RBL1: variants seen among roughly 807,000 people sequenced by gnomAD.
RBL1 encodes the protein retinoblastoma-like protein 1.
RBL1 carries 82 observed loss-of-function variants against 123.0 expected under a neutral mutation model. The ratio of observed to expected loss-of-function variants is 0.67; its 90% confidence interval spans 0.56 to 0.80. The LOEUF (loss-of-function observed/expected upper bound fraction) is 0.80. RBL1 is among the 30% of genes least tolerant of loss of function. The pLI is 0.00. For synonymous variants in RBL1, 405 were observed against 441.3 expected (o/e 0.92, Z 1.03); for missense variants, 1,171 against 1,299.6 (o/e 0.90, Z 1.52).
chr20:37,079,794 G>A (rs2065420666), intron 2 of RBL1, among the ~76,000 whole-genome samples: 1 of 152,012 alleles, frequency 6.6e-6, no homozygotes, highest in Admixed American at 6.6e-5. Context: ...AGCCCACAAA[G>A]GTTTCTATAT....
chr20:37,081,898 T>G, intron 2 of RBL1: 1 of 433,820 alleles, frequency 2.3e-6, no homozygotes, highest in South Asian at 1.6e-5. Context: ...CAGAGACCCC[T>G]GCTGGCTCAG....
chr20:37,088,840 C>T (rs984278642), intron 2 of RBL1, 149 bp downstream of exon 2: 2 of 441,052 alleles, frequency 4.5e-6, no homozygotes, highest in African/African-American at 2.1e-5. Flanking sequence ...TCCAGCCTGG[C>T]TGGCACAGTG....
intron 19 of RBL1, among the ~76,000 whole-genome samples, chr20:37,015,545 C>A (rs940825641): frequency 6.6e-6 from 1 of 151,992 alleles, no homozygotes. Context: ...CTTCTCCTAC[C>A]TCAGCCTCTG....
chr20:37,007,684 C>T (rs1030791481), intron 19 of RBL1, 125 bp from the exon 20 acceptor site: 7 of 910,656 alleles, frequency 7.7e-6, no homozygotes, highest in African/African-American at 1.7e-5. Flanking sequence ...CCCTGACCTC[C>T]TGGATTCAAG....
At chr20:36,999,934 C>T (rs1179187872) in intron 21 of RBL1, among the ~76,000 whole-genome samples, 1 of 151,712 alleles carries the variant, frequency 6.6e-6, no homozygotes, top group African/African-American at 2.4e-5. Flanking sequence ...AAGTGAGGAG[C>T]GTCTCTGCCT....
At chr20:37,068,277 T>C in intron 2 of RBL1, 91 bp from the exon 3 acceptor site, 3 of 1,452,868 alleles carry the variant, frequency 2.1e-6, no homozygotes, top group Non-Finnish European at 2.7e-6. Flanking sequence ...ACTAAGACTC[T>C]TTATTAAAAA....
At chr20:37,091,902 G>A (rs1233590484) in intron 1 of RBL1, among the ~76,000 whole-genome samples, 1 of 152,116 alleles carries the variant, frequency 6.6e-6, no homozygotes, top group South Asian at 2.1e-4. Context: ...AAATGAGGCA[G>A]GTAAGCTTAA....
chr20:37,082,215 C>A (rs983891865), intron 2 of RBL1, among the ~76,000 whole-genome samples: 4 of 152,142 alleles, frequency 2.6e-5, no homozygotes, highest in Non-Finnish European at 5.9e-5. Context: ...AGCCATCCCC[C>A]CTGCTGGTGA....
At chr20:37,073,434 A>C (rs949889637) in intron 2 of RBL1, among the ~76,000 whole-genome samples, 1 of 152,086 alleles carries the variant, frequency 6.6e-6, no homozygotes, top group Non-Finnish European at 1.5e-5. Flanking sequence ...GTGGTGGCTC[A>C]TATCTGTAAT....
At chr20:37,047,550 A>G (rs1008666069) in intron 11 of RBL1, among the ~76,000 whole-genome samples, 2 of 152,242 alleles carry the variant, frequency 1.3e-5, no homozygotes, top group Non-Finnish European at 2.9e-5. Flanking sequence ...ATGAAAGGTA[A>G]TATGTCACAG....
chr20:37,014,140 AG>A (rs2064211991), intron 19 of RBL1, among the ~76,000 whole-genome samples: 1 of 150,734 alleles, frequency 6.6e-6, no homozygotes, highest in Non-Finnish European at 1.5e-5. Flanking sequence ...TACAGCGGCA[AG>A]ATCATGGCTC....
intron 15 of RBL1, among the ~76,000 whole-genome samples, chr20:37,034,337 G>A (rs76992808): frequency 2.6e-4 from 39 of 151,848 alleles, no homozygotes; most frequent in African/African-American, 9.2e-4. Flanking sequence ...GTATTTGCCT[G>A]GGATACATTT....
At chr20:37,013,621 T>C (rs1440338421) in intron 19 of RBL1, among the ~76,000 whole-genome samples, 3 of 150,040 alleles carry the variant, frequency 2.0e-5, no homozygotes, top group African/African-American at 7.4e-5. Context: ...GACACTACCC[T>C]CAATAGCCAT....
chr20:37,042,180 C>T (rs1226314827), intron 13 of RBL1, among the ~76,000 whole-genome samples: 1 of 150,798 alleles, frequency 6.6e-6, no homozygotes, highest in African/African-American at 2.4e-5. Flanking sequence ...AGATGAAGAA[C>T]TCCTATAATT....
rs570208002 is a variant in RBL1 at position 37,069,753 on chromosome 20, G to T, written c.291-1567C>A. Reference sequence around the variant, plus strand: ...CCCAGTCCGGGAGGGAGGTGGGGGGGGTCAGCCCCCCGCCAGGCCAGCACC... The same window carrying T: ...CCCAGTCCGGGAGGGAGGTGGGGGGTGTCAGCCCCCCGCCAGGCCAGCACC... On this transcript the variant is annotated intron_variant, in intron 2 of 21. Coordinates refer to ENST00000373664, the MANE Select transcript of RBL1 (RefSeq NM_002895.5). 6.4e-3 allele frequency among the ~76,000 whole-genome samples: 969 copies of T among 151,830 alleles called. 5 individuals carry two copies. Among genetic ancestry groups the T allele is most frequent in the Non-Finnish European group, 0.011 (727 of 67,970 alleles).
chr20:37,069,252 G>C (rs2065238216), intron 2 of RBL1, among the ~76,000 whole-genome samples: 1 of 152,246 alleles, frequency 6.6e-6, no homozygotes, highest in South Asian at 2.1e-4. Flanking sequence ...CCTCTGCCCA[G>C]CTGCCACCCC....
chr20:37,079,385 T>C (rs2065414269), intron 2 of RBL1, among the ~76,000 whole-genome samples: 1 of 152,024 alleles, frequency 6.6e-6, no homozygotes, highest in Admixed American at 6.6e-5. Flanking sequence ...TGATGTTATC[T>C]GATTTATCTG....
At chr20:37,011,918 G>C (rs886880173) in intron 19 of RBL1, among the ~76,000 whole-genome samples, 6 of 152,172 alleles carry the variant, frequency 3.9e-5, no homozygotes, top group African/African-American at 9.7e-5. Flanking sequence ...GTCTCCCTCT[G>C]ATGCCGAGCC....
In RBL1 at chr20:37,031,518, G is replaced by A. The variant is rs2064510462; in HGVS notation, c.2382+1147C>T. 2.0e-5 allele frequency among the ~76,000 whole-genome samples: 3 copies of A among 152,112 alleles called. No individual in the cohort carries two copies. The South Asian group carries it at 6.2e-4, about 31-fold the overall frequency. On this transcript the variant is annotated intron_variant, in intron 16 of 21. Transcript: ENST00000373664. Reference sequence around the variant, plus strand: ...AGATGTCTCTTTATACCCATTGGATGGCCATTATCAAAAAAACAAACAAAC... The same window carrying A: ...AGATGTCTCTTTATACCCATTGGATAGCCATTATCAAAAAAACAAACAAAC...
Sources: allele counts gnomAD v4.1 joint callset (sites outside exome capture counted in the v4.1 genomes callset), GRCh38; gene constraint gnomAD v4.1.1; transcripts MANE v1.5; gene names NCBI Gene and HGNC (gene_info 2026-07-23, HGNC 2026-07-21).